Variants in CENPC observed in about 807,000 individuals in gnomAD.
CENPC encodes centromere protein C.
In CENPC, 63 loss-of-function variants were observed where a neutral mutation model predicts 112.1. The observed-to-expected ratio is 0.56, with a 90% CI of 0.46 to 0.69. CENPC has a LOEUF of 0.69. Ranked by LOEUF, CENPC falls within the 30% of genes least tolerant of loss-of-function variation. The pLI is 0.00. For synonymous variants in CENPC, 333 were observed against 367.6 expected (o/e 0.91, Z 1.08); for missense variants, 1,000 against 1,103.8 (o/e 0.91, Z 1.33).
intron 12 of CENPC, among the ~76,000 whole-genome samples, chr4:67,504,135 C>T (rs1433711162): frequency 6.8e-6 from 1 of 146,412 alleles, no homozygotes; most frequent in Non-Finnish European, 1.5e-5. Flanking sequence ...AGTAGTAGAG[C>T]TAGAACCAAT....
At chr4:67,490,868 ATATAT>A (rs1311099988) in intron 16 of CENPC, among the ~76,000 whole-genome samples, 7,123 of 33,740 alleles carry the variant, frequency 0.21, 322 homozygotes, top group Middle Eastern at 0.34. Context: ...ATATATATAT[ATATAT>A]ATATAGAAAT....
intron 4 of CENPC, among the ~76,000 whole-genome samples, chr4:67,538,546 C>A (rs1256427551): frequency 6.6e-6 from 1 of 152,192 alleles, no homozygotes; most frequent in Admixed American, 6.5e-5. Context: ...CAGGGGAAAT[C>A]CTCAGTTGAG....
chr4:67,534,594 C>T (rs1221729880), intron 4 of CENPC, among the ~76,000 whole-genome samples: 1 of 152,212 alleles, frequency 6.6e-6, no homozygotes, highest in Middle Eastern at 3.2e-3. Context: ...CCCTTTGCCA[C>T]ATCTGACTGA....
chr4:67,529,192 T>C (rs776055879), intron 5 of CENPC, among the ~76,000 whole-genome samples: 6 of 152,242 alleles, frequency 3.9e-5, no homozygotes, highest in Non-Finnish European at 8.8e-5. Flanking sequence ...TTTTCTGTTG[T>C]TGAGCTGTAG....
chr4:67,480,868 C>T (rs1724938165), intron 17 of CENPC, among the ~76,000 whole-genome samples: 1 of 152,164 alleles, frequency 6.6e-6, no homozygotes, highest in African/African-American at 2.4e-5. Flanking sequence ...TGAAAAGTTT[C>T]TCCTGAGAAC....
chr4:67,505,171 T>C (rs1402237749), intron 12 of CENPC, 34 bp downstream of exon 12: 8 of 1,445,782 alleles, frequency 5.5e-6, no homozygotes, highest in Middle Eastern at 3.5e-4. Flanking sequence ...CATAATGCCA[T>C]AAAAATCAAG....
In CENPC at chr4:67,472,540, C is replaced by A; in HGVS notation, c.*65G>T. The A allele has an allele frequency of 1.5e-6, 2 of 1,318,464 alleles. No individual in the cohort carries two copies. The highest frequency in any genetic ancestry group is 4.8e-5 in the South Asian group (2 of 41,272). 81.7% of individuals were successfully genotyped at this position (1,318,464 alleles called of 1,614,324 possible). A position where few individuals can be genotyped will look rare whatever the true frequency, so the allele number is the denominator to read the frequency against. ...CAAGTAATTACAAAGACAAATATTC[C>A]AACTATACAAACTGTTTTTCACATA... On this transcript the variant is annotated 3_prime_UTR_variant, in exon 19 of 19. Coordinates refer to ENST00000273853, the MANE Select transcript of CENPC (RefSeq NM_001812.4).
Position 67,512,406 on chromosome 4 carries a change from C to G in CENPC, c.1608G>C (p.Glu536Asp). Residue 536 changes from glutamate to aspartate, a missense_variant, in exon 9 of 19, where the codon GAG becomes GAC. Coordinates refer to ENST00000273853, the MANE Select transcript of CENPC (RefSeq NM_001812.4). ...AATTTAAATAAAAATACTTACTCTC[C>G]TCTGATTTTACCACCCACCAATCAG... ...RPSDWWVVKS[E>D]ESPVYSNSSV... 3 of 1,585,410 alleles carry G rather than the reference C, an allele frequency of 1.9e-6. No homozygotes were observed. Among genetic ancestry groups the G allele is most frequent in the Non-Finnish European group, 2.6e-6 (3 of 1,166,080 alleles).
intron 17 of CENPC, among the ~76,000 whole-genome samples, chr4:67,485,609 A>G (rs1279692172): frequency 2.0e-5 from 3 of 152,174 alleles, no homozygotes; most frequent in Non-Finnish European, 2.9e-5. Context: ...TAGCAGCCCA[A>G]TCTGACTAAG....
At chr4:67,484,572 T>C (rs1725037194) in intron 17 of CENPC, among the ~76,000 whole-genome samples, 2 of 152,330 alleles carry the variant, frequency 1.3e-5, no homozygotes, top group Non-Finnish European at 2.9e-5. Context: ...GTGAGAAATC[T>C]AGGTTGTGTG....
At chr4:67,507,401 T>C (rs949537973) in intron 10 of CENPC, among the ~76,000 whole-genome samples, 9 of 152,178 alleles carry the variant, frequency 5.9e-5, no homozygotes, top group African/African-American at 2.2e-4. Context: ...TCCTAGTGAC[T>C]GTATAATTCT....
intron 17 of CENPC, among the ~76,000 whole-genome samples, chr4:67,484,727 T>A (rs1019193149): frequency 2.0e-5 from 3 of 152,198 alleles, no homozygotes; most frequent in African/African-American, 7.2e-5. Flanking sequence ...TTTTCCTTAT[T>A]TTGTTTTTCC....
At chr4:67,495,261 GTTAAA>G (rs1342095511) in intron 12 of CENPC, 49 bp from the exon 13 acceptor site, 2 of 1,435,342 alleles carry the variant, frequency 1.4e-6, no homozygotes, top group African/African-American at 1.5e-5. Context: ...CTAATTCCAT[GTTAAA>G]TTAAAATGTG....
intron 5 of CENPC, among the ~76,000 whole-genome samples, chr4:67,522,051 C>G (rs1726244463): frequency 6.6e-6 from 1 of 152,052 alleles, no homozygotes; most frequent in African/African-American, 2.4e-5. Flanking sequence ...TGCTACTGAA[C>G]TGTATACTCA....
chr4:67,544,949 GT>G lies in CENPC; in HGVS notation c.18+388del, dbSNP rs1726986316. Among the ~76,000 whole-genome samples the G allele has an allele frequency of 2.0e-5, 3 of 152,098 alleles. No individual in the cohort carries two copies. In the East Asian group the frequency reaches 5.8e-4, roughly 29 times the overall value. ...CAATACTTCTACCATGGGGAGAAAAGTTATTTGGAGGCCTAGGAACTGGAGC... is the reference window on the plus strand; with the variant it reads ...CAATACTTCTACCATGGGGAGAAAAGTATTTGGAGGCCTAGGAACTGGAGC... On this transcript the variant is annotated intron_variant, in intron 1 of 18. Transcript: ENST00000273853.
chr4:67,541,077 A>AT, intron 2 of CENPC, 27 bp from the exon 3 acceptor site: 1 of 1,486,080 alleles, frequency 6.7e-7, no homozygotes, highest in Middle Eastern at 1.7e-4. Flanking sequence ...ACAGCCTGTC[A>AT]TTTTCAGAAG....
At chr4:67,489,809 G>C (rs1725189383) in intron 17 of CENPC, among the ~76,000 whole-genome samples, 158 bp downstream of exon 17, 1 of 152,028 alleles carries the variant, frequency 6.6e-6, no homozygotes, top group African/African-American at 2.4e-5. Flanking sequence ...ACTGTTGGCT[G>C]GTTGACTCTA....
At chr4:67,473,007 G>C (rs530608745) in intron 18 of CENPC, among the ~76,000 whole-genome samples, 9 of 152,092 alleles carry the variant, frequency 5.9e-5, no homozygotes, top group Admixed American at 1.3e-4. Context: ...CCTCTAACCA[G>C]ACATACTCAT....
intron 6 of CENPC, among the ~76,000 whole-genome samples, chr4:67,518,955 T>C (rs953663099): frequency 6.6e-6 from 1 of 152,222 alleles, no homozygotes; most frequent in Non-Finnish European, 1.5e-5. Context: ...TTGTTTCTCT[T>C]AGGAAGCAAT....
Sources: gnomAD v4.1 joint callset for allele counts (sites outside exome capture counted in the v4.1 genomes callset) on GRCh38, gnomAD v4.1.1 for gene constraint, MANE v1.5 for transcripts, NCBI Gene and HGNC (gene_info 2026-07-23, HGNC 2026-07-21) for gene names.